The following WWOX variants were observed in gnomAD, a reference collection of about 807,000 sequenced individuals.
The protein encoded by WWOX is WW domain-containing oxidoreductase.
In WWOX, 69 loss-of-function variants were observed where a neutral mutation model predicts 46.2. That is an observed-to-expected ratio of 1.49 (90% CI 1.23 to 1.82). WWOX has a LOEUF of 1.82. WWOX is among the 40% of genes most tolerant of loss of function. The pLI is 0.00. For missense variants in WWOX, 919 were observed against 542.6 expected (o/e 1.69, Z -6.89); for synonymous variants, 359 against 202.6 (o/e 1.77, Z -6.56).
rs192298527 is a variant in WWOX at position 78,360,733 on chromosome 16, T to A, written c.517-26127T>A. On this transcript the variant is annotated intron_variant, in intron 5 of 8. Transcript: ENST00000566780. ...TATTAACTATACTTGTTACTCAAAT[T>A]TCACCACTAAAGCAGTGTCATCTTT... 4.4e-3 allele frequency among the ~76,000 whole-genome samples: 635 copies of A among 144,446 alleles called. 3 individuals are homozygous for A. The highest frequency in any genetic ancestry group is 7.6e-3 in the Non-Finnish European group (490 of 64,580). The allele number at this position is 144,446 out of a possible 152,430, so 94.8% of individuals were successfully genotyped here.
chr16:79,117,796 T>C (rs1237343818), intron 8 of WWOX, among the ~76,000 whole-genome samples: 1 of 152,224 alleles, frequency 6.6e-6, no homozygotes, highest in Non-Finnish European at 1.5e-5. Context: ...CGACCTCTGC[T>C]AGCTTCCAAG....
chr16:78,866,999 A>G (rs775984658), intron 8 of WWOX, among the ~76,000 whole-genome samples: 11 of 152,228 alleles, frequency 7.2e-5, no homozygotes, highest in Non-Finnish European at 1.6e-4. Context: ...GATTTGTCAT[A>G]AACGCTCCTA....
At chr16:78,116,430 G>A (rs770281144) in intron 4 of WWOX, among the ~76,000 whole-genome samples, 2 of 152,230 alleles carry the variant, frequency 1.3e-5, no homozygotes, top group South Asian at 4.2e-4. Context: ...CCATCCGAGT[G>A]GAGAATTTTT....
intron 5 of WWOX, among the ~76,000 whole-genome samples, chr16:78,357,642 G>A (rs2081325550): frequency 6.6e-6 from 1 of 152,314 alleles, no homozygotes; most frequent in Middle Eastern, 3.4e-3. Flanking sequence ...GCTTTGTGGT[G>A]TTGGAGATAG....
chr16:78,973,416 G>C (rs1337012328), intron 8 of WWOX, among the ~76,000 whole-genome samples: 3 of 152,316 alleles, frequency 2.0e-5, no homozygotes, highest in East Asian at 1.9e-4. Context: ...ACAGAGAACA[G>C]AGCTACTCAA....
At chr16:78,429,606 G>C (rs759767251) in intron 7 of WWOX, among the ~76,000 whole-genome samples, 1 of 152,088 alleles carries the variant, frequency 6.6e-6, no homozygotes, top group Non-Finnish European at 1.5e-5. Flanking sequence ...CTAAATCCTT[G>C]TCCCTGTTGT....
At chr16:78,810,863 G>T (rs2142704620) in intron 8 of WWOX, among the ~76,000 whole-genome samples, 1 of 152,302 alleles carries the variant, frequency 6.6e-6, no homozygotes, top group South Asian at 2.1e-4. Flanking sequence ...CAAGTGCTCA[G>T]TCATTTTGTC....
intron 5 of WWOX, among the ~76,000 whole-genome samples, chr16:78,217,956 T>C (rs1278186103): frequency 1.3e-5 from 2 of 152,228 alleles, no homozygotes; most frequent in African/African-American, 2.4e-5. Context: ...CTTGTATTTA[T>C]GCAGCAGCCT....
At chr16:78,850,020 C>T (rs868083586) in intron 8 of WWOX, among the ~76,000 whole-genome samples, 1 of 151,252 alleles carries the variant, frequency 6.6e-6, no homozygotes, top group African/African-American at 2.4e-5. Context: ...TGTGGTGAGC[C>T]GAGACAATGC....
At chr16:79,041,115 G>T (rs985509302) in intron 8 of WWOX, among the ~76,000 whole-genome samples, 7 of 152,034 alleles carry the variant, frequency 4.6e-5, no homozygotes, top group African/African-American at 1.7e-4. Context: ...GTGTTGTCAT[G>T]TAATGTAACA....
intron 8 of WWOX, among the ~76,000 whole-genome samples, chr16:78,776,047 A>G (rs182240051): frequency 3.9e-5 from 6 of 152,356 alleles, no homozygotes; most frequent in South Asian, 2.1e-4. Flanking sequence ...TCTTAAACCT[A>G]TAGGAGTATA....
At chr16:78,193,928 A>T (rs922797720) in intron 5 of WWOX, among the ~76,000 whole-genome samples, 1 of 149,822 alleles carries the variant, frequency 6.7e-6, no homozygotes, top group Non-Finnish European at 1.5e-5. Flanking sequence ...CCCAGGCTGG[A>T]GTGCAGTGGC....
rs181283272 is a variant in WWOX, at chr16:78,928,689, G to A, written c.1057-282919G>A. On this transcript the variant is annotated intron_variant, in intron 8 of 8. Transcript: ENST00000566780. Reference sequence around the variant, plus strand: ...AAAAAAAAATAATAGGAAAGAAAATGTGATCAGTTGGTATATTTGGCTCTC... The same window carrying A: ...AAAAAAAAATAATAGGAAAGAAAATATGATCAGTTGGTATATTTGGCTCTC... Among the ~76,000 whole-genome samples the A allele has an allele frequency of 5.9e-5, 9 of 152,232 alleles. No homozygotes were observed. In the East Asian group the frequency reaches 1.4e-3, roughly 23 times the overall value.
chr16:78,804,346 C>G (rs895305832), intron 8 of WWOX, among the ~76,000 whole-genome samples: 2 of 151,478 alleles, frequency 1.3e-5, no homozygotes, highest in African/African-American at 4.9e-5. Context: ...TAGACTCTGA[C>G]TTTGACTTTT....
chr16:78,934,759 T>A (rs763068309), intron 8 of WWOX, among the ~76,000 whole-genome samples: 12 of 152,046 alleles, frequency 7.9e-5, no homozygotes, highest in Non-Finnish European at 1.6e-4. Context: ...ATAAAAAATG[T>A]GTTCCTGAGA....
chr16:78,967,245 C>T (rs778663114), intron 8 of WWOX, among the ~76,000 whole-genome samples: 94 of 150,510 alleles, frequency 6.2e-4, no homozygotes, highest in African/African-American at 2.3e-3. Context: ...ATGAATCTAG[C>T]CCCAAACAAC....
At chr16:78,532,595 A>G (rs960454056) in intron 8 of WWOX, among the ~76,000 whole-genome samples, 11 of 152,326 alleles carry the variant, frequency 7.2e-5, no homozygotes, top group Admixed American at 2.0e-4. Context: ...CATACCCAAT[A>G]CTAGGTCATT....
At chr16:78,327,320 G>A (rs1265524289) in intron 5 of WWOX, among the ~76,000 whole-genome samples, 1 of 152,156 alleles carries the variant, frequency 6.6e-6, no homozygotes, top group Non-Finnish European at 1.5e-5. Flanking sequence ...GTTGGGATGG[G>A]GGTGTGAAGC....
chr16:78,651,823 G>A (rs113052477), intron 8 of WWOX, among the ~76,000 whole-genome samples: 103 of 152,330 alleles, frequency 6.8e-4, no homozygotes, highest in Admixed American at 2.7e-3. Flanking sequence ...AAACTGATTG[G>A]TTGGACTCAT....
Sources: allele counts gnomAD v4.1 joint callset (sites outside exome capture counted in the v4.1 genomes callset), GRCh38; gene constraint gnomAD v4.1.1; transcripts MANE v1.5; gene names NCBI Gene and HGNC (gene_info 2026-07-23, HGNC 2026-07-21).